The following DMD variants were observed in gnomAD, a reference collection of about 807,000 sequenced individuals.
DMD encodes the protein dystrophin.
A neutral mutation model predicts 330.1 loss-of-function variants in DMD; 63 were observed. That is an observed-to-expected ratio of 0.19 (90% CI 0.16 to 0.24). The LOEUF (loss-of-function observed/expected upper bound fraction) is 0.24. DMD is among the 10% of genes least tolerant of loss of function. The pLI is 1.00. For synonymous variants in DMD, 1,223 were observed against 959.8 expected (o/e 1.27, Z -5.07); for missense variants, 3,344 against 2,684.1 (o/e 1.25, Z -5.43).
chrX:32,123,329 G>T (rs1047616404), intron 44 of DMD, among the ~76,000 whole-genome samples: 1 of 101,879 alleles, frequency 9.8e-6, no homozygotes, highest in Non-Finnish European at 2.0e-5. Flanking sequence ...TTGAGTGTGC[G>T]TTAGAATTGC....
At chrX:32,729,818 A>C (rs888740798) in intron 7 of DMD, among the ~76,000 whole-genome samples, 1 of 112,027 alleles carries the variant, frequency 8.9e-6, no homozygotes, top group African/African-American at 3.2e-5. Flanking sequence ...ACGTTGTCTC[A>C]GCAGGGCATT....
At chrX:32,699,329 T>A (rs1399946441) in intron 7 of DMD, 36 bp from the exon 8 acceptor site, 13 of 1,103,021 alleles carry the variant, frequency 1.2e-5, no homozygotes, top group African/African-American at 1.1e-4. Context: ...CAATTTTTGG[T>A]TTCTATATTT....
intron 7 of DMD, among the ~76,000 whole-genome samples, chrX:32,796,244 G>T: frequency 9.0e-6 from 1 of 111,208 alleles, no homozygotes; most frequent in African/African-American, 3.3e-5. Context: ...TGAACAAATG[G>T]ATAAAGAAAA....
rs746380692 is a variant in DMD at position 32,241,429 on chromosome X, C to T, written c.6291-24366G>A. 6.2e-5 allele frequency among the ~76,000 whole-genome samples: 7 copies of T among 112,684 alleles called. No homozygotes were observed. In the South Asian group the frequency reaches 1.5e-3, roughly 23 times the overall value. ...GCCCATAAGTTTAGGCAAGCCATAG[C>T]GTCAGGCTACAGCCTGAAGAAGCAC... On this transcript the variant is annotated intron_variant, in intron 43 of 78. Coordinates refer to ENST00000357033, the MANE Select transcript of DMD (RefSeq NM_004006.3).
intron 2 of DMD, among the ~76,000 whole-genome samples, chrX:32,851,862 G>A (rs372786356): frequency 8.9e-6 from 1 of 112,028 alleles, no homozygotes; most frequent in African/African-American, 3.2e-5. Context: ...ATTTAGACCA[G>A]CCCTATCCAG....
At chrX:31,134,571 C>T (rs1270322671) in intron 76 of DMD, among the ~76,000 whole-genome samples, 4 of 110,424 alleles carry the variant, frequency 3.6e-5, no homozygotes, top group South Asian at 3.9e-4. Context: ...TACAGGCATG[C>T]GCCAACACGT....
chrX:32,368,155 G>A (rs1236218459), intron 34 of DMD, among the ~76,000 whole-genome samples: 1 of 111,489 alleles, frequency 9.0e-6, no homozygotes, highest in African/African-American at 3.3e-5. Flanking sequence ...AATACTAATT[G>A]ACCAATGTAT....
chrX:32,022,976 G>A (rs752528736), intron 44 of DMD, among the ~76,000 whole-genome samples: 1 of 109,802 alleles, frequency 9.1e-6, no homozygotes, highest in South Asian at 4.0e-4. Context: ...GAGATTACAG[G>A]TGCGTGCCAC....
chrX:32,175,109 A>AT (rs1421767779), intron 44 of DMD, among the ~76,000 whole-genome samples: 1 of 111,740 alleles, frequency 8.9e-6, no homozygotes, highest in Admixed American at 9.5e-5. Context: ...AGCAAATAAA[A>AT]TTGGCAAATG....
intron 52 of DMD, 103 bp from the exon 53 acceptor site, chrX:31,679,689 T>G: frequency 1.4e-6 from 1 of 709,993 alleles, no homozygotes; most frequent in Admixed American, 2.7e-5. Flanking sequence ...GTTGCTTATT[T>G]AAAAAATTAT....
intron 54 of DMD, among the ~76,000 whole-genome samples, chrX:31,643,577 G>A (rs889758836): frequency 8.0e-5 from 9 of 111,808 alleles, no homozygotes; most frequent in African/African-American, 2.6e-4. Context: ...TAATAACATT[G>A]CACATTTGTT....
At chrX:31,964,493 G>T (rs2095334467) in intron 45 of DMD, among the ~76,000 whole-genome samples, 2 of 110,894 alleles carry the variant, frequency 1.8e-5, no homozygotes, top group African/African-American at 6.5e-5. Context: ...TAATAAACAG[G>T]CATGGTTATA....
intron 9 of DMD, among the ~76,000 whole-genome samples, chrX:32,670,648 T>C (rs2061575464): frequency 8.9e-6 from 1 of 112,146 alleles, no homozygotes; most frequent in Non-Finnish European, 1.9e-5. Flanking sequence ...TGTGACGATT[T>C]TTGCAAACCT....
intron 54 of DMD, among the ~76,000 whole-genome samples, chrX:31,630,608 T>C (rs750122949): frequency 9.0e-6 from 1 of 111,720 alleles, no homozygotes; most frequent in Non-Finnish European, 1.9e-5. Flanking sequence ...ATGTATCATA[T>C]AGTTTTAAAT....
intron 55 of DMD, among the ~76,000 whole-genome samples, chrX:31,601,439 C>T (rs953906210): frequency 7.1e-5 from 8 of 112,034 alleles, no homozygotes; most frequent in African/African-American, 2.3e-4. Flanking sequence ...TGTTCCAGAT[C>T]GTGGGCCACT....
At chrX:31,162,356 T>TAAAAAAAAAAAAAAAAAAAAAA (rs57908991) in intron 74 of DMD, among the ~76,000 whole-genome samples, 23 of 50,615 alleles carry the variant, frequency 4.5e-4, no homozygotes, top group African/African-American at 1.5e-3. Flanking sequence ...ATGAAAAATC[T>TAAAAAAAAAAAAAAAAAAAAAA]AAAAAAAAAA....
intron 52 of DMD, among the ~76,000 whole-genome samples, chrX:31,688,664 A>G (rs1429972723): frequency 9.0e-6 from 1 of 111,269 alleles, no homozygotes; most frequent in Non-Finnish European, 1.9e-5. Context: ...GAGACACAAC[A>G]AAAAAAGAGA....
intron 44 of DMD, among the ~76,000 whole-genome samples, chrX:31,968,864 G>T (rs772842811): frequency 9.0e-6 from 1 of 111,617 alleles, no homozygotes; most frequent in African/African-American, 3.2e-5. Flanking sequence ...ATGTTTAATA[G>T]TCTATGAAAT....
At chrX:32,896,085 G>T (rs1222177870) in intron 2 of DMD, among the ~76,000 whole-genome samples, 2 of 111,129 alleles carry the variant, frequency 1.8e-5, no homozygotes, top group African/African-American at 6.5e-5. Flanking sequence ...TGTATACAGA[G>T]GTTTATGTAC....
Sources: allele counts gnomAD v4.1 joint callset (sites outside exome capture counted in the v4.1 genomes callset), GRCh38; gene constraint gnomAD v4.1.1; transcripts MANE v1.5; gene names NCBI Gene and HGNC (gene_info 2026-07-23, HGNC 2026-07-21).